PTPRG: variants seen among roughly 807,000 people sequenced by gnomAD.
PTPRG encodes receptor-type tyrosine-protein phosphatase gamma.
Under a neutral mutation model 165.3 loss-of-function variants are expected in PTPRG, and 102 were observed. That is an observed-to-expected ratio of 0.62 (90% CI 0.53 to 0.73). The LOEUF (loss-of-function observed/expected upper bound fraction) is 0.73, where lower values mean the gene tolerates loss of function less well. PTPRG is among the 30% of genes least tolerant of loss of function. The pLI, the probability that PTPRG is intolerant of heterozygous loss-of-function variation, is 0.00. For synonymous variants in PTPRG, 675 were observed against 669.5 expected, an observed-to-expected ratio of 1.01 and a Z score of -0.13; for missense variants, 1,866 against 1,861.4, an observed-to-expected ratio of 1.00 and a Z score of -0.05.
intron 2 of PTPRG, among the ~76,000 whole-genome samples, chr3:61,965,487 C>CAAAAA (rs56210593): frequency 3.4e-4 from 27 of 80,138 alleles, no homozygotes; most frequent in African/African-American, 4.3e-4. Flanking sequence ...GACTCCGTCT[C>CAAAAA]AAAAAAAAAA....
intron 2 of PTPRG, among the ~76,000 whole-genome samples, chr3:61,755,164 C>CAT (rs1559594002): frequency 6.6e-6 from 1 of 152,116 alleles, no homozygotes; most frequent in African/African-American, 2.4e-5. Context: ...TGTGCCACCA[C>CAT]GCCCGACTAA....
At chr3:62,114,712 A>G (rs1372375552) in intron 5 of PTPRG, among the ~76,000 whole-genome samples, 7 of 152,186 alleles carry the variant, frequency 4.6e-5, no homozygotes, top group Admixed American at 4.6e-4. Flanking sequence ...TAGTGCAATC[A>G]TAAGTCACTG....
intron 4 of PTPRG, among the ~76,000 whole-genome samples, chr3:62,047,913 A>G (rs1035800149): frequency 6.6e-5 from 10 of 152,290 alleles, no homozygotes; most frequent in Admixed American, 6.5e-4. Context: ...CAGCACAGTT[A>G]TTTAGCTCCA....
intron 1 of PTPRG, among the ~76,000 whole-genome samples, chr3:61,600,239 ACAAG>A (rs1485588996): frequency 6.8e-6 from 1 of 146,738 alleles, no homozygotes; most frequent in African/African-American, 2.5e-5. Context: ...AACTTTATAG[ACAAG>A]CAGGCACACT....
chr3:61,734,488 A>C (rs74791308), intron 1 of PTPRG, among the ~76,000 whole-genome samples: 1 of 152,322 alleles, frequency 6.6e-6, no homozygotes, highest in South Asian at 2.1e-4. Flanking sequence ...TAATATTTAA[A>C]GGAGTGTTTA....
chr3:61,810,931 A>G (rs539148970), intron 2 of PTPRG, among the ~76,000 whole-genome samples: 26 of 152,294 alleles, frequency 1.7e-4, no homozygotes, highest in African/African-American at 4.8e-4. Flanking sequence ...CTGCCAGCCA[A>G]TGAGGGTTCC....
intron 1 of PTPRG, among the ~76,000 whole-genome samples, chr3:61,653,903 G>GGGGT (rs56696186): frequency 0.65 from 88,444 of 136,694 alleles, 30,100 homozygotes; most frequent in South Asian, 0.77. Flanking sequence ...GAGCGGTGGG[G>GGGGT]GGCGCGGGGA....
intron 4 of PTPRG, among the ~76,000 whole-genome samples, chr3:62,014,233 C>A (rs547566995): frequency 1.3e-5 from 2 of 152,156 alleles, no homozygotes; most frequent in Non-Finnish European, 2.9e-5. Context: ...TTGCACCCCC[C>A]CTTTAATGGA....
chr3:61,988,340 C>T (rs2040808503), intron 2 of PTPRG, among the ~76,000 whole-genome samples: 1 of 152,018 alleles, frequency 6.6e-6, no homozygotes, highest in Non-Finnish European at 1.5e-5. Context: ...TTTTCTTGTA[C>T]CATTGTTTAT....
At chr3:62,285,561 A>G (rs1056700223) in intron 28 of PTPRG, among the ~76,000 whole-genome samples, 2 of 149,558 alleles carry the variant, frequency 1.3e-5, no homozygotes, top group Non-Finnish European at 1.5e-5. Context: ...CAGGTGGATG[A>G]CATTTCTAGA....
At chr3:61,846,216 G>A (rs1017748399) in intron 2 of PTPRG, among the ~76,000 whole-genome samples, 3 of 152,180 alleles carry the variant, frequency 2.0e-5, no homozygotes, top group Non-Finnish European at 4.4e-5. Flanking sequence ...TAATTTAAAA[G>A]AGACAATTAT....
chr3:61,756,682 T>C (rs149240657), intron 2 of PTPRG, among the ~76,000 whole-genome samples: 3 of 152,346 alleles, frequency 2.0e-5, no homozygotes, highest in East Asian at 3.9e-4. Context: ...TAATATATTA[T>C]CAGAGGACAT....
chr3:61,946,590 T>C (rs2039765730), intron 2 of PTPRG, among the ~76,000 whole-genome samples: 1 of 152,220 alleles, frequency 6.6e-6, no homozygotes, highest in Non-Finnish European at 1.5e-5. Flanking sequence ...ATGGGATGCC[T>C]ATCTACAGGT....
At chr3:61,966,947 T>TA (rs1227777409) in intron 2 of PTPRG, among the ~76,000 whole-genome samples, 1 of 152,226 alleles carries the variant, frequency 6.6e-6, no homozygotes, top group Non-Finnish European at 1.5e-5. Context: ...CCATAAAACT[T>TA]AAAGTTGGGC....
At chr3:61,722,015 T>TC (rs1459733438) in intron 1 of PTPRG, among the ~76,000 whole-genome samples, 1 of 152,094 alleles carries the variant, frequency 6.6e-6, no homozygotes, top group Non-Finnish European at 1.5e-5. Context: ...GTAGACCAAT[T>TC]CGGGCCCTTG....
intron 2 of PTPRG, among the ~76,000 whole-genome samples, chr3:61,836,497 TA>T (rs1285488370): frequency 6.6e-6 from 1 of 152,212 alleles, no homozygotes; most frequent in African/African-American, 2.4e-5. Context: ...ATAGTGATAA[TA>T]AAATATAGCA....
intron 4 of PTPRG, among the ~76,000 whole-genome samples, chr3:62,066,180 A>C (rs1245770025): frequency 1.3e-5 from 2 of 152,234 alleles, no homozygotes; most frequent in African/African-American, 4.8e-5. Context: ...TCATGACGTC[A>C]TCATTTCCCC....
chr3:61,966,450 T>TCATTCA (rs2040274329), intron 2 of PTPRG, among the ~76,000 whole-genome samples: 2 of 152,156 alleles, frequency 1.3e-5, no homozygotes, highest in African/African-American at 4.8e-5. Flanking sequence ...GATGGAATGT[T>TCATTCA]GATAGGTTGT....
chr3:61,942,769 A>G (rs2039665209), intron 2 of PTPRG, among the ~76,000 whole-genome samples: 1 of 152,254 alleles, frequency 6.6e-6, no homozygotes, highest in Non-Finnish European at 1.5e-5. Flanking sequence ...TCTCAAAAGT[A>G]TTGCTTCTCT....
Sources: allele counts gnomAD v4.1 joint callset (sites outside exome capture counted in the v4.1 genomes callset), GRCh38; gene constraint gnomAD v4.1.1; transcripts MANE v1.5; gene names NCBI Gene and HGNC (gene_info 2026-07-23, HGNC 2026-07-21).